The following CFAP206 variants were observed in gnomAD, a reference collection of about 807,000 sequenced individuals.
The protein encoded by CFAP206 is cilia- and flagella-associated protein 206.
In CFAP206, 53 loss-of-function variants were observed where a neutral mutation model predicts 65.4. The ratio of observed to expected loss-of-function variants is 0.81; its 90% CI spans 0.65 to 1.02. The LOEUF (loss-of-function observed/expected upper bound fraction) is 1.02. Among genes scored for constraint, CFAP206 ranks in the 50% least tolerant of loss-of-function variants. CFAP206 has a pLI of 0.00. For missense variants in CFAP206, 663 were observed against 753.2 expected (o/e 0.88, Z 1.40); for synonymous variants, 250 against 254.4 (o/e 0.98, Z 0.17).
intron 7 of CFAP206, among the ~76,000 whole-genome samples, chr6:87,424,145 A>AC (rs1767996491): frequency 6.6e-6 from 1 of 152,168 alleles, no homozygotes; most frequent in Middle Eastern, 3.4e-3. Context: ...CAAGATTGCT[A>AC]CCCCTTATTA....
chr6:87,431,419 C>A (rs1768152879), intron 10 of CFAP206, among the ~76,000 whole-genome samples: 1 of 152,154 alleles, frequency 6.6e-6, no homozygotes, highest in Admixed American at 6.5e-5. Context: ...ATGGATGCTG[C>A]AGTACCATTG....
At chr6:87,455,173 C>T (rs1220863087) in intron 11 of CFAP206, among the ~76,000 whole-genome samples, 5 of 152,066 alleles carry the variant, frequency 3.3e-5, no homozygotes, top group African/African-American at 1.2e-4. Context: ...CCACCCACTT[C>T]GGCCTCCCAA....
At chr6:87,425,802 C>G (rs1235358443) in intron 7 of CFAP206, 3 of 152,828 alleles carry the variant, frequency 2.0e-5, no homozygotes, top group Non-Finnish European at 4.4e-5. Flanking sequence ...GTGTCAAGAT[C>G]CATAGTTTAC....
intron 10 of CFAP206, 85 bp from the exon 11 acceptor site, chr6:87,434,775 G>A: frequency 2.6e-6 from 2 of 781,350 alleles, no homozygotes; most frequent in Middle Eastern, 4.0e-4. Context: ...TGGAATTACA[G>A]GCGTGAGCCA....
At chr6:87,420,515 C>G (rs751381713) in intron 7 of CFAP206, among the ~76,000 whole-genome samples, 1 of 152,218 alleles carries the variant, frequency 6.6e-6, no homozygotes, top group Non-Finnish European at 1.5e-5. Context: ...GACTTTGCCA[C>G]TTACTAAATC....
In CFAP206 at chr6:87,426,550, G is replaced by A; in HGVS notation, c.865G>A (p.Glu289Lys). ...ILSDIITGAQ[E>K]VEMMTKQLGA... The stretch of plus-strand genomic sequence containing the variant: ...GTCAGATATAATTACTGGTGCTCAA[G>A]AAGTGGAAATGATGACAAAACAGTT... The change falls in exon 8 of 13, where the codon GAA becomes AAA. Residue 289 changes from glutamate to lysine, a missense_variant. By Grantham distance (56) the Glu-to-Lys change is moderately conservative. Coordinates refer to ENST00000369562, the MANE Select transcript of CFAP206 (RefSeq NM_001031743.3). The A allele has an allele frequency of 6.3e-7, 1 of 1,588,954 alleles. No homozygotes were observed. The highest frequency in any genetic ancestry group is 8.6e-7 in the Non-Finnish European group (1 of 1,167,642).
chr6:87,410,565 T>G lies in CFAP206; in HGVS notation c.109-20T>G. ...ATGGATTCTTTCCTAGTTAATGGAC[T>G]CGTTCCTACTTTTTTCTAGGTGAAA... On this transcript the variant is annotated intron_variant, in intron 2 of 12. Coordinates refer to ENST00000369562, the MANE Select transcript of CFAP206 (RefSeq NM_001031743.3). 1 of 1,571,736 alleles carries G rather than the reference T, an allele frequency of 6.4e-7. No homozygotes were observed. The highest frequency in any genetic ancestry group is 1.1e-5 in the South Asian group (1 of 90,048).
At chr6:87,427,982 CTT>C (rs10693817) in intron 8 of CFAP206, among the ~76,000 whole-genome samples, 3,489 of 93,674 alleles carry the variant, frequency 0.037, 27 homozygotes, top group Middle Eastern at 0.076. Context: ...CTCCACCCTC[CTT>C]TTTTTTTTTT....
intron 7 of CFAP206, among the ~76,000 whole-genome samples, chr6:87,422,451 GAA>G (rs754181099): frequency 8.5e-5 from 5 of 59,114 alleles, no homozygotes; most frequent in Middle Eastern, 0.015. Context: ...ACTCCATCTC[GAA>G]AAAAAAAAAA....
chr6:87,459,071 A>C (rs1355320951), intron 11 of CFAP206, among the ~76,000 whole-genome samples: 1 of 152,156 alleles, frequency 6.6e-6, no homozygotes, highest in Non-Finnish European at 1.5e-5. Flanking sequence ...AAATGTTGCT[A>C]TCTTAAGTTT....
intron 9 of CFAP206, among the ~76,000 whole-genome samples, 165 bp downstream of exon 9, chr6:87,428,989 C>G (rs905788141): frequency 6.6e-6 from 1 of 152,074 alleles, no homozygotes. Flanking sequence ...GCCTGTAATC[C>G]CAGCACTTTG....
At chr6:87,458,212 A>C (rs915654936) in intron 11 of CFAP206, among the ~76,000 whole-genome samples, 2 of 152,110 alleles carry the variant, frequency 1.3e-5, no homozygotes, top group African/African-American at 4.8e-5. Context: ...ACCCTAGTAC[A>C]CTGTTGGTGG....
intron 12 of CFAP206, among the ~76,000 whole-genome samples, chr6:87,462,337 A>C (rs906116733): frequency 6.6e-6 from 1 of 152,162 alleles, no homozygotes; most frequent in African/African-American, 2.4e-5. Flanking sequence ...TTCCCCATAT[A>C]TCTTCCAGAT....
chr6:87,418,433 A>G lies in CFAP206; in HGVS notation c.840+17A>G. The G allele has an allele frequency of 6.2e-7, 1 of 1,603,212 alleles. No individual in the cohort carries two copies. Among genetic ancestry groups the G allele is most frequent in the Non-Finnish European group, 8.5e-7 (1 of 1,170,602 alleles). ...ATCATTTTGGTGAGTTAAGTTCATA[A>G]GACCTGACCTTTTCTATATAATGCA... On this transcript the variant is annotated intron_variant, in intron 7 of 12. Transcript: ENST00000369562.
intron 11 of CFAP206, among the ~76,000 whole-genome samples, chr6:87,451,701 A>G (rs1768546738): frequency 6.6e-6 from 1 of 152,086 alleles, no homozygotes; most frequent in South Asian, 2.1e-4. Context: ...TCACAGTATA[A>G]TAAAGCACAA....
chr6:87,428,722 T>C lies in CFAP206; in HGVS notation c.1057T>C (p.Phe353Leu), dbSNP rs1294343270. The change falls in exon 9 of 13, where the codon TTC (phenylalanine) becomes CTC (leucine). Residue 353 changes from phenylalanine to leucine, a missense_variant. Coordinates refer to ENST00000369562, the MANE Select transcript of CFAP206 (RefSeq NM_001031743.3). ...LSNLFTHIQP[F>L]LGAHELYFPE... is the part of the protein sequence containing the mutation. The stretch of plus-strand genomic sequence containing the variant: ...TAATTTATTCACTCACATTCAGCCA[T>C]TCTTGGGTGCTCACGAACTATACTT... 1 of 1,614,178 alleles carries C rather than the reference T, an allele frequency of 6.2e-7. No homozygotes were observed. Among genetic ancestry groups the C allele is most frequent in the South Asian group, 1.1e-5 (1 of 91,082 alleles).
intron 10 of CFAP206, among the ~76,000 whole-genome samples, chr6:87,433,253 T>C (rs886519837): frequency 6.6e-6 from 1 of 152,220 alleles, no homozygotes; most frequent in African/African-American, 2.4e-5. Context: ...ATTTTTTTCA[T>C]GTAGCACATG....
chr6:87,458,528 G>A (rs1048714298), intron 11 of CFAP206, among the ~76,000 whole-genome samples: 3 of 152,082 alleles, frequency 2.0e-5, no homozygotes, highest in Non-Finnish European at 2.9e-5. Flanking sequence ...GGATGGAACT[G>A]GAGAATATTA....
rs146806124 is a variant in CFAP206, at chr6:87,459,573, A to G, written c.1495-1449A>G. ...TATAACCAGTTCAAAAGAGAACCCT[A>G]AGAACAGACACATTTATAGATCAGG... is the stretch of plus-strand genomic sequence containing the variant. On this transcript the variant is annotated intron_variant, in intron 11 of 12. Coordinates refer to ENST00000369562, the MANE Select transcript of CFAP206 (RefSeq NM_001031743.3). 3.0e-3 allele frequency among the ~76,000 whole-genome samples: 454 copies of G among 152,312 alleles called. 2 individuals are homozygous for G. The highest frequency in any genetic ancestry group is 0.011 in the African/African-American group (439 of 41,578).
Sources: allele counts gnomAD v4.1 joint callset (sites outside exome capture counted in the v4.1 genomes callset), GRCh38; gene constraint gnomAD v4.1.1; transcripts MANE v1.5; gene names NCBI Gene and HGNC (gene_info 2026-07-23, HGNC 2026-07-21).